Variants in GRIA3 observed in about 807,000 individuals in gnomAD.
GRIA3 encodes the protein glutamate receptor 3.
A neutral mutation model predicts 63.0 loss-of-function variants in GRIA3; 3 were observed. The ratio of observed to expected loss-of-function variants is 0.05; its 90% confidence interval spans 0.02 to 0.12. The LOEUF (loss-of-function observed/expected upper bound fraction) is 0.12. Among genes scored for constraint, GRIA3 ranks in the 10% least tolerant of loss-of-function variants. The pLI is 1.00. For synonymous variants in GRIA3, 274 were observed against 257.9 expected, an observed-to-expected ratio of 1.06 and a Z score of -0.60; for missense variants, 347 against 700.9, an observed-to-expected ratio of 0.50 and a Z score of 5.70.
At chrX:123,247,243 T>C (rs1017968027) in intron 2 of GRIA3, among the ~76,000 whole-genome samples, 1 of 112,559 alleles carries the variant, frequency 8.9e-6, no homozygotes, top group Non-Finnish European at 1.9e-5. Context: ...GTTCTGTAAA[T>C]GATATGCAAT....
intron 2 of GRIA3, among the ~76,000 whole-genome samples, chrX:123,243,575 T>G (rs2044342120): frequency 8.9e-6 from 1 of 112,311 alleles, no homozygotes; most frequent in Non-Finnish European, 1.9e-5. Context: ...TTCCCTCGCC[T>G]AATCTAAATT....
In GRIA3 at chrX:123,403,144, G is replaced by T. The variant is rs764202360; in HGVS notation, c.1185+46G>T. On this transcript the variant is annotated intron_variant, in intron 8 of 15. Transcript: ENST00000620443. ...TTTAAAGAAAAGGACTCTTGAAAGA[G>T]GACAGCATTTGGATGTAAGAAAATA... The T allele has an allele frequency of 7.0e-6, 5 of 712,596 alleles. No homozygotes were observed. The African/African-American group carries it at 8.4e-5, about 12-fold the overall frequency. 58.7% of individuals were successfully genotyped at this position (712,596 alleles called of 1,213,427 possible).
intron 13 of GRIA3, chrX:123,465,815 G>C (rs760646815): frequency 3.0e-6 from 3 of 1,007,063 alleles, no homozygotes; most frequent in Non-Finnish European, 4.2e-6. Flanking sequence ...CCACAACCGG[G>C]TACCCTTAGT....
chrX:123,352,502 T>C (rs1319652355), intron 4 of GRIA3, among the ~76,000 whole-genome samples: 2 of 112,050 alleles, frequency 1.8e-5, no homozygotes, highest in African/African-American at 6.5e-5. Context: ...AATTAGTAAA[T>C]GACAAGACTG....
intron 3 of GRIA3, among the ~76,000 whole-genome samples, chrX:123,317,231 G>A (rs2044837543): frequency 9.0e-6 from 1 of 111,053 alleles, no homozygotes; most frequent in Non-Finnish European, 1.9e-5. Context: ...GGAAATTCTA[G>A]GAGATACAAT....
At chrX:123,190,264 T>A (rs1438858340) in intron 2 of GRIA3, among the ~76,000 whole-genome samples, 8 of 110,836 alleles carry the variant, frequency 7.2e-5, no homozygotes. Flanking sequence ...CCTGCCTTTG[T>A]GCCTTTGCTG....
intron 11 of GRIA3, among the ~76,000 whole-genome samples, chrX:123,418,185 C>T (rs1355493420): frequency 9.0e-6 from 1 of 111,658 alleles, no homozygotes; most frequent in Non-Finnish European, 1.9e-5. Flanking sequence ...GAACATAGAA[C>T]TCTTCTTTAA....
chrX:123,209,706 C>A (rs189970765), intron 2 of GRIA3, among the ~76,000 whole-genome samples: 1 of 111,898 alleles, frequency 8.9e-6, no homozygotes, highest in African/African-American at 3.2e-5. Context: ...TAGCTCCAAC[C>A]AGGAGTAAAT....
At chrX:123,329,895 T>C (rs933826655) in intron 4 of GRIA3, among the ~76,000 whole-genome samples, 6 of 111,908 alleles carry the variant, frequency 5.4e-5, no homozygotes, top group Non-Finnish European at 9.4e-5. Flanking sequence ...AGTTATCTAT[T>C]CTGAAGAGAT....
intron 3 of GRIA3, among the ~76,000 whole-genome samples, chrX:123,256,882 G>A (rs993876903): frequency 8.9e-6 from 1 of 111,810 alleles, no homozygotes; most frequent in South Asian, 3.8e-4. Flanking sequence ...AGAAAAAGAG[G>A]TGGAGTTGAA....
chrX:123,261,011 G>T (rs758836202), intron 3 of GRIA3, among the ~76,000 whole-genome samples: 5 of 111,793 alleles, frequency 4.5e-5, no homozygotes, highest in Non-Finnish European at 9.4e-5. Flanking sequence ...TTAATACTTC[G>T]ATTTGCACAT....
At chrX:123,453,175 A>C (rs1478975632) in intron 12 of GRIA3, among the ~76,000 whole-genome samples, 1 of 112,058 alleles carries the variant, frequency 8.9e-6, no homozygotes, top group Non-Finnish European at 1.9e-5. Flanking sequence ...GATTAAGAAA[A>C]TGTGGCACAT....
intron 5 of GRIA3, among the ~76,000 whole-genome samples, chrX:123,358,072 CAGAGAG>C: frequency 9.3e-6 from 1 of 107,752 alleles, no homozygotes; most frequent in South Asian, 4.0e-4. Context: ...CAAAGACAGA[CAGAGAG>C]AGAGAGAGAG....
At chrX:123,309,471 T>C (rs1388958121) in intron 3 of GRIA3, among the ~76,000 whole-genome samples, 1 of 112,229 alleles carries the variant, frequency 8.9e-6, no homozygotes, top group Non-Finnish European at 1.9e-5. Flanking sequence ...TGCTGCTGAT[T>C]GTGTTCTTTG....
rs1457524371 is a variant in GRIA3 at position 123,354,919 on chromosome X, C to A, written c.706C>A (p.Leu236Ile). The change falls in exon 5 of 16, where the codon CTA becomes ATA. Residue 236 changes from leucine (L) to isoleucine (I), a missense_variant. Transcript: ENST00000620443. ...TTTCTTCTTTCTGCAGGTTGTGATCCTAGGGAAACACTCAAGAGGTTATCA... is the reference window on the plus strand; with the variant it reads ...TTTCTTCTTTCTGCAGGTTGTGATCATAGGGAAACACTCAAGAGGTTATCA... The part of the protein sequence containing the change: ...INTILEQVVI[L>I]GKHSRGYHYM... The A allele has an allele frequency of 8.4e-7, 1 of 1,197,465 alleles. No homozygotes were observed.
At chrX:123,469,738 T>C (rs1027805894) in intron 13 of GRIA3, among the ~76,000 whole-genome samples, 10 of 112,286 alleles carry the variant, frequency 8.9e-5, no homozygotes, top group African/African-American at 2.6e-4. Context: ...CAGGGATTTG[T>C]GACATAGCCA....
intron 12 of GRIA3, among the ~76,000 whole-genome samples, chrX:123,456,241 C>A (rs1220877984): frequency 9.0e-6 from 1 of 111,319 alleles, no homozygotes; most frequent in Non-Finnish European, 1.9e-5. Flanking sequence ...ATAGCTACTG[C>A]ACCCACCTCA....
intron 3 of GRIA3, among the ~76,000 whole-genome samples, chrX:123,264,941 T>G (rs1187815585): frequency 9.0e-6 from 1 of 111,622 alleles, no homozygotes; most frequent in African/African-American, 3.3e-5. Context: ...ACTAAGTAGC[T>G]GTGTAATCCT....
chrX:123,407,612 A>T (rs1342197004), intron 10 of GRIA3, among the ~76,000 whole-genome samples: 2 of 96,938 alleles, frequency 2.1e-5, no homozygotes, highest in African/African-American at 7.8e-5. Flanking sequence ...CTTCACTCCC[A>T]TGACCTAATC....
Sources: allele counts gnomAD v4.1 joint callset (sites outside exome capture counted in the v4.1 genomes callset), GRCh38; gene constraint gnomAD v4.1.1; transcripts MANE v1.5; gene names NCBI Gene and HGNC (gene_info 2026-07-23, HGNC 2026-07-21).